The following CTNNA2 variants were observed in gnomAD, a reference collection of about 807,000 sequenced individuals.
CTNNA2 encodes the protein catenin alpha-2.
CTNNA2 carries 42 observed loss-of-function variants against 101.0 expected under a neutral mutation model. The observed-to-expected ratio is 0.42, with a 90% CI of 0.32 to 0.54. The LOEUF (loss-of-function observed/expected upper bound fraction) is 0.54. Ranked by LOEUF, CTNNA2 falls within the 20% of genes least tolerant of loss-of-function variation. CTNNA2 has a pLI of 0.14. For synonymous variants in CTNNA2, 450 were observed against 456.4 expected (o/e 0.99, Z 0.18); for missense variants, 871 against 1,223.1 (o/e 0.71, Z 4.29).
In CTNNA2 at chr2:79,743,174, A is replaced by AT. The variant is rs148499023; in HGVS notation, c.103-1212dup. On this transcript the variant is annotated intron_variant, in intron 2 of 18. Transcript: ENST00000402739. ...CAGAACCTACATTCTTGTGAAGCCG[A>AT]TAAAAAAAAAATACAGCAGTAAACA... is the stretch of plus-strand genomic sequence containing the variant. 7.9e-3 allele frequency among the ~76,000 whole-genome samples: 1,124 copies of AT among 143,132 alleles called. 27 individuals carry two copies. The highest frequency in any genetic ancestry group is 0.07 in the South Asian group (324 of 4,654). The allele number at this position is 143,132 out of a possible 152,430, so 93.9% of individuals were successfully genotyped here.
chr2:79,549,453 A>T (rs1673951228), intron 1 of CTNNA2, among the ~76,000 whole-genome samples: 1 of 152,130 alleles, frequency 6.6e-6, no homozygotes, highest in Non-Finnish European at 1.5e-5. Flanking sequence ...GATGGTTTAG[A>T]TCCCTTCAGA....
At chr2:80,490,288 C>CCTG (rs10653213) in intron 9 of CTNNA2, among the ~76,000 whole-genome samples, 1 of 97,878 alleles carries the variant, frequency 1.0e-5, no homozygotes, top group Non-Finnish European at 1.8e-5. Flanking sequence ...CCACCCCCCC[C>CCTG]CCGGTAAAGC....
chr2:79,541,429 TA>T (rs1673412840), intron 1 of CTNNA2, among the ~76,000 whole-genome samples: 1 of 8,352 alleles, frequency 1.2e-4, no homozygotes, highest in Non-Finnish European at 2.7e-4. Flanking sequence ...CACACACACA[TA>T]TATATATATA....
chr2:80,034,352 T>TC lies in CTNNA2; in HGVS notation c.1056+124555_1056+124556insC, dbSNP rs1321642746. On this transcript the variant is annotated intron_variant, in intron 7 of 18. Coordinates refer to ENST00000402739, the MANE Select transcript of CTNNA2 (RefSeq NM_001282597.3). ...GAAAAATGCTGAATTTCATTTTTTT[T>TC]TCTTTTTTTTTTTTTTTTTGATACG... is the stretch of plus-strand genomic sequence containing the variant. Among the ~76,000 whole-genome samples the TC allele has an allele frequency of 4.8e-5, 6 of 125,730 alleles. No individual in the cohort carries two copies. The South Asian group carries it at 1.1e-3, about 24-fold the overall frequency. 82.5% of individuals were successfully genotyped at this position (125,730 alleles called of 152,430 possible). A position where few individuals can be genotyped will look rare whatever the true frequency, so the allele number is the denominator to read the frequency against.
chr2:80,496,554 GT>G (rs111603398), intron 9 of CTNNA2, among the ~76,000 whole-genome samples: 4 of 148,412 alleles, frequency 2.7e-5, no homozygotes, highest in East Asian at 3.9e-4. Context: ...ACTTAGGACA[GT>G]TTTTTTTTTG....
intron 4 of CTNNA2, among the ~76,000 whole-genome samples, chr2:79,405,769 G>A (rs1204120164): frequency 6.6e-6 from 1 of 152,028 alleles, no homozygotes; most frequent in Non-Finnish European, 1.5e-5. Flanking sequence ...TTATCTTTGT[G>A]AGAGTACCCA....
intron 3 of CTNNA2, among the ~76,000 whole-genome samples, chr2:79,781,270 G>A (rs371109477): frequency 6.6e-6 from 1 of 152,102 alleles, no homozygotes; most frequent in Non-Finnish European, 1.5e-5. Context: ...CAGTGAGGAC[G>A]ACCAGAGATC....
chr2:80,360,310 A>G (rs1237294598), intron 7 of CTNNA2, among the ~76,000 whole-genome samples: 2 of 152,144 alleles, frequency 1.3e-5, no homozygotes, highest in Non-Finnish European at 2.9e-5. Flanking sequence ...ATTATGACAC[A>G]CCGTATATTT....
At position 79,979,077 on chromosome 2, in the gene CTNNA2, G is replaced by A. The variant is rs578142706; in HGVS notation, c.1056+69280G>A. On this transcript the variant is annotated intron_variant, in intron 7 of 18. Transcript: ENST00000402739. ...ACATCCCTGAGGGAATCACACTCTT[G>A]GATGAAAGCAGTGTGATTTTCTGAT... Among the ~76,000 whole-genome samples, 33 of 152,238 alleles carry A rather than the reference G, an allele frequency of 2.2e-4. 1 individual carries two copies. The highest frequency in any genetic ancestry group is 1.8e-3 in the Admixed American group (27 of 15,286).
intron 7 of CTNNA2, among the ~76,000 whole-genome samples, chr2:80,380,111 A>G (rs905907530): frequency 7.5e-6 from 1 of 133,700 alleles, no homozygotes; most frequent in Non-Finnish European, 1.5e-5. Flanking sequence ...ATCTCGGCTC[A>G]CTGCAAGCTC....
intron 11 of CTNNA2, among the ~76,000 whole-genome samples, chr2:80,552,269 A>G (rs1020774495): frequency 7.9e-5 from 12 of 152,182 alleles, no homozygotes; most frequent in African/African-American, 2.7e-4. Flanking sequence ...TGTTGGAACA[A>G]TGGCACCAAC....
intron 1 of CTNNA2, among the ~76,000 whole-genome samples, chr2:79,638,089 G>A (rs1242319386): frequency 6.6e-6 from 1 of 152,202 alleles, no homozygotes; most frequent in African/African-American, 2.4e-5. Context: ...CTTGATGATA[G>A]CAACATGAAA....
At chr2:79,693,759 C>G (rs1684475885) in intron 2 of CTNNA2, among the ~76,000 whole-genome samples, 1 of 151,836 alleles carries the variant, frequency 6.6e-6, no homozygotes, top group South Asian at 2.1e-4. Context: ...TGTTCTCACC[C>G]ATTCTACCTT....
chr2:79,420,487 G>A (rs559309205), intron 4 of CTNNA2, among the ~76,000 whole-genome samples: 1 of 152,266 alleles, frequency 6.6e-6, no homozygotes, highest in East Asian at 1.9e-4. Context: ...AATAAAAAGA[G>A]AAAATAACTG....
intron 1 of CTNNA2, among the ~76,000 whole-genome samples, chr2:79,563,892 T>A (rs1674947335): frequency 6.6e-6 from 1 of 152,184 alleles, no homozygotes; most frequent in African/African-American, 2.4e-5. Context: ...CCTGGTATGT[T>A]AATGGTCCCA....
chr2:79,361,062 C>G (rs1238546928), intron 3 of CTNNA2, among the ~76,000 whole-genome samples: 1 of 152,056 alleles, frequency 6.6e-6, no homozygotes, highest in Non-Finnish European at 1.5e-5. Context: ...TCACTTTACC[C>G]AGACACAGGA....
intron 4 of CTNNA2, among the ~76,000 whole-genome samples, chr2:79,487,452 T>C (rs543975640): frequency 6.6e-6 from 1 of 152,362 alleles, no homozygotes; most frequent in East Asian, 1.9e-4. Flanking sequence ...TCTGGGACTC[T>C]TGAGCCTTGC....
chr2:79,994,046 C>G (rs924042027), intron 7 of CTNNA2, among the ~76,000 whole-genome samples: 3 of 151,976 alleles, frequency 2.0e-5, no homozygotes, highest in Non-Finnish European at 4.4e-5. Context: ...TAGCTGAGAC[C>G]AGAGGTGTGC....
intron 3 of CTNNA2, among the ~76,000 whole-genome samples, chr2:79,850,479 C>T (rs1680618255): frequency 6.6e-6 from 1 of 151,384 alleles, no homozygotes; most frequent in African/African-American, 2.4e-5. Flanking sequence ...TCCTTCCTTC[C>T]TATACCCTGT....
Sources: allele counts gnomAD v4.1 joint callset (sites outside exome capture counted in the v4.1 genomes callset), GRCh38; gene constraint gnomAD v4.1.1; transcripts MANE v1.5; gene names NCBI Gene and HGNC (gene_info 2026-07-23, HGNC 2026-07-21).